The following GSTCD variants were observed in gnomAD, a reference collection of about 807,000 sequenced individuals.
The protein encoded by GSTCD is glutathione S-transferase C-terminal domain containing, also known as glutathione S-transferase C-terminal domain-containing protein.
A neutral mutation model predicts 68.3 loss-of-function variants in GSTCD; 44 were observed. The observed-to-expected ratio is 0.64, with a 90% confidence interval of 0.51 to 0.83. GSTCD has a LOEUF of 0.83. Among genes scored for constraint, GSTCD ranks in the 40% least tolerant of loss-of-function variants. The probability of loss-of-function intolerance (pLI) is 0.00; values close to 1 mark genes in which losing one functional copy is unlikely to be tolerated. For synonymous variants in GSTCD, 273 were observed against 255.2 expected (o/e 1.07, Z -0.67); for missense variants, 739 against 735.9 (o/e 1.00, Z -0.05).
intron 8 of GSTCD, 48 bp downstream of exon 8, chr4:105,825,848 A>G: frequency 8.5e-7 from 1 of 1,176,766 alleles, no homozygotes. Flanking sequence ...AAATAAGAAA[A>G]ATTACATGCC....
rs1225257151 is a variant in GSTCD at position 105,708,870 on chromosome 4, G to T, written c.-168G>T. ...ATAAGGTGGCTGTCGTTTTTCTCCT[G>T]GCGTCTGTGGAGGCGAGTGGTCTGC... On this transcript the variant is annotated 5_prime_UTR_variant, in exon 1 of 12. Coordinates refer to ENST00000515279, the MANE Select transcript of GSTCD (RefSeq NM_001370181.1). 1.3e-5 allele frequency: 2 copies of T among 152,786 alleles called. No individual in the cohort carries two copies. Among genetic ancestry groups the T allele is most frequent in the Non-Finnish European group, 2.9e-5 (2 of 68,186 alleles). The allele number at this position is 152,786 out of a possible 1,614,324, so 9.5% of individuals were successfully genotyped here.
At chr4:105,772,093 A>G (rs1184057649) in intron 5 of GSTCD, among the ~76,000 whole-genome samples, 2 of 152,150 alleles carry the variant, frequency 1.3e-5, no homozygotes, top group African/African-American at 4.8e-5. Context: ...CATCCATTGT[A>G]AGTTGTATTC....
chr4:105,762,634 T>G (rs1734457214), intron 5 of GSTCD, among the ~76,000 whole-genome samples: 1 of 152,192 alleles, frequency 6.6e-6, no homozygotes, highest in African/African-American at 2.4e-5. Context: ...AGGTTGCTAT[T>G]TACAGTGACT....
At chr4:105,818,010 C>T (rs1259493608) in intron 5 of GSTCD, among the ~76,000 whole-genome samples, 2 of 151,828 alleles carry the variant, frequency 1.3e-5, no homozygotes, top group East Asian at 3.8e-4. Flanking sequence ...TTATTGAGAA[C>T]CTTTTATGTG....
At chr4:105,776,663 G>C (rs1735079408) in intron 5 of GSTCD, among the ~76,000 whole-genome samples, 2 of 152,232 alleles carry the variant, frequency 1.3e-5, no homozygotes, top group South Asian at 4.1e-4. Context: ...TCTGTGGGCT[G>C]TACCCACTGT....
intron 5 of GSTCD, among the ~76,000 whole-genome samples, chr4:105,799,584 AAC>A (rs1004009990): frequency 5.3e-5 from 8 of 152,270 alleles, no homozygotes; most frequent in South Asian, 4.1e-4. Flanking sequence ...GAGCAGTGAG[AAC>A]ACACACAACA....
intron 10 of GSTCD, among the ~76,000 whole-genome samples, chr4:105,839,515 A>G (rs1326713250): frequency 6.6e-6 from 1 of 152,136 alleles, no homozygotes; most frequent in East Asian, 1.9e-4. Context: ...CACACCTGTA[A>G]TCTCAATTAC....
chr4:105,826,579 T>A (rs1292164135), intron 8 of GSTCD, among the ~76,000 whole-genome samples: 1 of 152,134 alleles, frequency 6.6e-6, no homozygotes, highest in Non-Finnish European at 1.5e-5. Flanking sequence ...TAGTTTTTTA[T>A]ATTTATGCAC....
chr4:105,734,038 A>C (rs1203250731), intron 5 of GSTCD, among the ~76,000 whole-genome samples: 1 of 152,008 alleles, frequency 6.6e-6, no homozygotes, highest in Non-Finnish European at 1.5e-5. Flanking sequence ...GGCTTGTAGG[A>C]TTTCTGCTGA....
At chr4:105,710,387 CTTTTTTTTT>C (rs70941210) in intron 1 of GSTCD, among the ~76,000 whole-genome samples, 1 of 123,712 alleles carries the variant, frequency 8.1e-6, no homozygotes, top group African/African-American at 3.0e-5. Context: ...CACTCGGCTC[CTTTTTTTTT>C]TTTTTTTTTT....
chr4:105,812,234 AT>A (rs1486803282), intron 5 of GSTCD, among the ~76,000 whole-genome samples: 16 of 152,234 alleles, frequency 1.1e-4, no homozygotes, highest in African/African-American at 2.9e-4. Flanking sequence ...TTTAAATGTT[AT>A]CAAAATCTAG....
At chr4:105,822,521 G>A (rs908277130) in intron 5 of GSTCD, among the ~76,000 whole-genome samples, 3 of 152,038 alleles carry the variant, frequency 2.0e-5, no homozygotes, top group African/African-American at 7.2e-5. Flanking sequence ...GCAATGTGTT[G>A]AAATTAGGTA....
At chr4:105,766,887 C>CTTTTTTTTTTTTTTTTTTTTTTTTTT in intron 5 of GSTCD, among the ~76,000 whole-genome samples, 13 of 57,132 alleles carry the variant, frequency 2.3e-4, no homozygotes, top group African/African-American at 8.8e-4. Context: ...GTTTTTGACT[C>CTTTTTTTTTTTTTTTTTTTTTTTTTT]TTTTTTTTTT....
chr4:105,781,926 G>A (rs1035401762), intron 5 of GSTCD, among the ~76,000 whole-genome samples: 3 of 151,940 alleles, frequency 2.0e-5, no homozygotes, highest in African/African-American at 7.3e-5. Flanking sequence ...GCATGTCTGT[G>A]TGGGGTAGTT....
Position 105,801,713 on chromosome 4 carries a change from T to A in GSTCD, c.1241-21241T>A, listed in dbSNP as rs115929413. Among the ~76,000 whole-genome samples, 1,349 of 152,128 alleles carry A rather than the reference T, an allele frequency of 8.9e-3. 22 individuals carry two copies. Among genetic ancestry groups the A allele is most frequent in the African/African-American group, 0.031 (1,273 of 41,536 alleles). On this transcript the variant is annotated intron_variant, in intron 5 of 11. Coordinates refer to ENST00000515279, the MANE Select transcript of GSTCD (RefSeq NM_001370181.1). The stretch of plus-strand genomic sequence containing the variant: ...TAATGAAAAGAAAAATGGGTAATTA[T>A]GTTGGGAACAAAAATTTAAAGTAAA...
At position 105,792,623 on chromosome 4, in the gene GSTCD, C is replaced by A. The variant is rs147919397; in HGVS notation, c.1241-30331C>A. 7.7e-4 allele frequency among the ~76,000 whole-genome samples: 117 copies of A among 152,126 alleles called. 2 individuals are homozygous for A. Among genetic ancestry groups the A allele is most frequent in the African/African-American group, 2.7e-3 (111 of 41,412 alleles). ...TTTAAATTAGAACAGACAAGGCTAG[C>A]ATGAGTTGATTTTGGTATCAAAACT... is the stretch of plus-strand genomic sequence containing the variant. On this transcript the variant is annotated intron_variant, in intron 5 of 11. Coordinates refer to ENST00000515279, the MANE Select transcript of GSTCD (RefSeq NM_001370181.1).
chr4:105,831,601 G>T (rs1179398996), intron 8 of GSTCD, among the ~76,000 whole-genome samples: 2 of 152,078 alleles, frequency 1.3e-5, no homozygotes, highest in Admixed American at 1.3e-4. Context: ...TTGTTTGTGT[G>T]TTCACATCTC....
At chr4:105,793,418 TTAA>T (rs1735752158) in intron 5 of GSTCD, among the ~76,000 whole-genome samples, 1 of 150,988 alleles carries the variant, frequency 6.6e-6, no homozygotes, top group Non-Finnish European at 1.5e-5. Context: ...GTTTTTTTTT[TTAA>T]AAAAAATCTT....
chr4:105,824,509 C>T (rs988685737), intron 7 of GSTCD, among the ~76,000 whole-genome samples: 8 of 152,190 alleles, frequency 5.3e-5, no homozygotes, highest in Admixed American at 1.3e-4. Flanking sequence ...GTTTTTCAAA[C>T]GGATTTTTTC....
Sources: allele counts gnomAD v4.1 joint callset (sites outside exome capture counted in the v4.1 genomes callset), GRCh38; gene constraint gnomAD v4.1.1; transcripts MANE v1.5; gene names NCBI Gene and HGNC (gene_info 2026-07-23, HGNC 2026-07-21).